Variants in NCOR2 observed in about 807,000 individuals in gnomAD.
NCOR2 encodes nuclear receptor corepressor 2, also known as CTG repeat protein 26.
Under a neutral mutation model 262.9 loss-of-function variants are expected in NCOR2, and 81 were observed. The ratio of observed to expected loss-of-function variants is 0.31; its 90% CI spans 0.26 to 0.37. NCOR2 has a LOEUF of 0.37. Ranked by LOEUF, NCOR2 falls within the 10% of genes least tolerant of loss-of-function variation. The pLI, the probability that NCOR2 is intolerant of heterozygous loss-of-function variation, is 1.00. For missense variants in NCOR2, 3,385 were observed against 3,621.4 expected (o/e 0.93, Z 1.68); for synonymous variants, 1,659 against 1,559.3 (o/e 1.06, Z -1.51).
intron 1 of NCOR2, chr12:124,518,372 C>T (rs377677868): frequency 2.6e-5 from 4 of 152,368 alleles, no homozygotes; most frequent in East Asian, 1.9e-4. Context: ...CTCACCTTCC[C>T]GCGAGACTAC....
In NCOR2 at chr12:124,346,806, G is replaced by A. The variant is rs376819174; in HGVS notation, c.4117C>T (p.Arg1373Trp). The change falls in exon 31 of 47, where the codon CGG (arginine) becomes TGG (tryptophan). Residue 1373 changes from arginine (R) to tryptophan (W), a missense_variant. Physicochemically the swap from Arg to Trp is moderately radical, Grantham distance 101. Around this residue, in one of 5 missense-constraint regions of NCOR2, gnomAD observed 1,615 missense variants for 1,626.9 expected, o/e 0.99. Transcript: ENST00000405201. ...TCCCGCTTTAGGAGCTTGGCCTCCC[G>A]ACGCAGGTAGTCCTCCTGTGCCTCC... 149 of 1,573,920 alleles carry A rather than the reference G, an allele frequency of 9.5e-5. No individual in the cohort carries two copies. Among genetic ancestry groups the A allele is most frequent in the Non-Finnish European group, 1.2e-4 (136 of 1,160,618 alleles).
intron 13 of NCOR2, among the ~76,000 whole-genome samples, chr12:124,417,439 CA>C (rs1314013337): frequency 6.6e-6 from 1 of 152,196 alleles, no homozygotes; most frequent in African/African-American, 2.4e-5. Flanking sequence ...GGCTCTCACA[CA>C]GGGGGAGGGG....
intron 1 of NCOR2, among the ~76,000 whole-genome samples, chr12:124,560,178 G>T (rs138255131): frequency 6.6e-6 from 1 of 152,328 alleles, no homozygotes; most frequent in African/African-American, 2.4e-5. Context: ...AAACAGTGAG[G>T]TAGTATATTA....
rs58051824 is a variant in NCOR2, at chr12:124,393,293, C to T, written c.1876+4826G>A. Among the ~76,000 whole-genome samples, 38 of 152,326 alleles carry T rather than the reference C, an allele frequency of 2.5e-4. No individual in the cohort carries two copies. The East Asian group carries it at 6.2e-3, about 25-fold the overall frequency. On this transcript the variant is annotated intron_variant, in intron 16 of 46. Coordinates refer to ENST00000405201, the Ensembl canonical transcript of NCOR2. ...AGGCGGCCAGCTCCCCGGAGCTGCC[C>T]GGTTCCTGGGGAAGCTGCCTCCTGA...
chr12:124,383,005 C>T (rs1171569361), intron 17 of NCOR2, among the ~76,000 whole-genome samples: 1 of 152,138 alleles, frequency 6.6e-6, no homozygotes, highest in African/African-American at 2.4e-5. Context: ...CTGCTCTGCA[C>T]CATCCTTCTG....
intron 8 of NCOR2, among the ~76,000 whole-genome samples, chr12:124,435,025 G>C (rs2044250811): frequency 6.6e-6 from 1 of 152,194 alleles, no homozygotes; most frequent in African/African-American, 2.4e-5. Flanking sequence ...ATCCTAGCCT[G>C]AGGGCAGATG....
chr12:124,332,512 T>C (rs887294821), intron 42 of NCOR2, 45 bp from the exon 45 acceptor site: 1 of 1,612,630 alleles, frequency 6.2e-7, no homozygotes, highest in Non-Finnish European at 8.5e-7. Flanking sequence ...GGTGCCGAGC[T>C]TGCATGCCTT....
chr12:124,351,746 G>A (rs979309101), intron 27 of NCOR2, among the ~76,000 whole-genome samples: 1 of 9,090 alleles, frequency 1.1e-4, no homozygotes, highest in African/African-American at 4.2e-4. Flanking sequence ...GCCTCAGTTT[G>A]CACATCCACA....
rs906175237 is a variant in NCOR2, at chr12:124,378,106, T to A, written c.2167+131A>T. The A allele has an allele frequency of 6.7e-7, 1 of 1,496,160 alleles. No individual in the cohort carries two copies. Among genetic ancestry groups the A allele is most frequent in the African/African-American group, 1.4e-5 (1 of 71,206 alleles). The allele number at this position is 1,496,160 out of a possible 1,614,324, so 92.7% of individuals were successfully genotyped here. ...AGTCAGGCCCGCACCTTCCAGGGAG[T>A]CGAGGCCCCTTCTAAGGAGGACCCA... On this transcript the variant is annotated intron_variant, in intron 18 of 46. Transcript: ENST00000405201. This position sits in a 1 kb window ranked among gnomAD's most constrained non-coding sequence, Gnocchi z 4.2.
At chr12:124,494,743 C>G (rs1400387762) in intron 1 of NCOR2, among the ~76,000 whole-genome samples, 1 of 152,202 alleles carries the variant, frequency 6.6e-6, no homozygotes, top group Non-Finnish European at 1.5e-5. Context: ...GGAAGGGGAG[C>G]TGTGACCTAT....
At chr12:124,447,523 A>C (rs759699933) in intron 7 of NCOR2, among the ~76,000 whole-genome samples, 1 of 152,122 alleles carries the variant, frequency 6.6e-6, no homozygotes, top group African/African-American at 2.4e-5. Flanking sequence ...AATATCACTC[A>C]CTTTAAGTGA....
intron 19 of NCOR2, 55 bp downstream of exon 21, chr12:124,374,358 G>T: frequency 6.4e-7 from 1 of 1,573,742 alleles, no homozygotes; most frequent in South Asian, 1.1e-5. Context: ...CGGGGACCTT[G>T]GGATGCCCGC....
At chr12:124,372,096 G>A in exon 20 of NCOR2, 2 of 1,603,580 alleles carry the variant, frequency 1.2e-6, no homozygotes, top group Non-Finnish European at 8.5e-7. Flanking sequence ...TGTCCTGGGG[G>A]GCGCCCGAGC....
At chr12:124,326,302 G>A in exon 46 of NCOR2, 1 of 1,560,720 alleles carries the variant, frequency 6.4e-7, no homozygotes, top group Non-Finnish European at 8.6e-7. Flanking sequence ...CCAGATGCCA[G>A]GCCCGGGGCC....
chr12:124,419,923 C>G, intron 13 of NCOR2, 34 bp downstream of exon 15: 1 of 1,586,770 alleles, frequency 6.3e-7, no homozygotes, highest in Non-Finnish European at 8.7e-7. Context: ...TGCAGGGAGC[C>G]TGCAAGGACA....
At chr12:124,458,204 C>G (rs1225911991) in intron 5 of NCOR2, among the ~76,000 whole-genome samples, 1 of 152,218 alleles carries the variant, frequency 6.6e-6, no homozygotes, top group African/African-American at 2.4e-5. Flanking sequence ...CCAGATTGGC[C>G]AAAAGGAGGT....
chr12:124,523,377 G>T lies in NCOR2; in HGVS notation c.-118+12188C>A, dbSNP rs925892385. On this transcript the variant is annotated intron_variant, in intron 1 of 46. Coordinates refer to the NCOR2 transcript ENST00000404621. This position sits in a 1 kb window ranked among gnomAD's most constrained non-coding sequence, Gnocchi z 4.0. The stretch of plus-strand genomic sequence containing the variant: ...GCTCCTGGGAACCCACACCCCGGTG[G>T]CAGGGGCAGCGGCAGAGGAAAGAGG... 3.9e-5 allele frequency among the ~76,000 whole-genome samples: 6 copies of T among 152,152 alleles called. No homozygotes were observed. The highest frequency in any genetic ancestry group is 1.4e-4 in the African/African-American group (6 of 41,426).
exon 31 of NCOR2, chr12:124,346,650 T>C: frequency 2.5e-6 from 4 of 1,590,796 alleles, no homozygotes; most frequent in Non-Finnish European, 3.4e-6. Flanking sequence ...ATCTCATGGA[T>C]GGAGCGGCCC....
intron 11 of NCOR2, among the ~76,000 whole-genome samples, chr12:124,426,088 C>T (rs1280352842): frequency 6.6e-6 from 1 of 152,258 alleles, no homozygotes; most frequent in Non-Finnish European, 1.5e-5. Context: ...CCTTGTTCTT[C>T]CGACTCGCAG....
Sources: allele counts gnomAD v4.1 joint callset (sites outside exome capture counted in the v4.1 genomes callset), GRCh38; gene constraint gnomAD v4.1.1; regional missense constraint gnomAD v4.1.1; non-coding constraint Gnocchi (gnomAD v3.1); transcripts MANE v1.5; gene names NCBI Gene and HGNC (gene_info 2026-07-23, HGNC 2026-07-21).